Variants in CACNG3 observed in about 807,000 individuals in gnomAD.
CACNG3 encodes voltage-dependent calcium channel gamma-3 subunit.
Under a neutral mutation model 28.5 loss-of-function variants are expected in CACNG3, and 3 were observed. The ratio of observed to expected loss-of-function variants is 0.11; its 90% confidence interval spans 0.05 to 0.27. CACNG3 has a LOEUF of 0.27. CACNG3 is among the 10% of genes least tolerant of loss of function. The probability of loss-of-function intolerance (pLI) is 1.00; values close to 1 mark genes in which losing one functional copy is unlikely to be tolerated. For synonymous variants in CACNG3, 174 were observed against 162.2 expected, an observed-to-expected ratio of 1.07 and a Z score of -0.55; for missense variants, 236 against 414.4, an observed-to-expected ratio of 0.57 and a Z score of 3.74.
chr16:24,266,114 A>G (rs932892166), intron 1 of CACNG3, among the ~76,000 whole-genome samples: 1 of 152,256 alleles, frequency 6.6e-6, no homozygotes, highest in African/African-American at 2.4e-5. Flanking sequence ...GTGTCCAGGA[A>G]AATGTAGCCC....
rs570386398 is a variant in CACNG3 at position 24,349,328 on chromosome 16, A to C, written c.295+2511A>C. On this transcript the variant is annotated intron_variant, in intron 2 of 3. Transcript: ENST00000005284. The stretch of plus-strand genomic sequence containing the variant: ...CCAAGACAGGGTTCTTGGATCTCAC[A>C]CAAGAAAGATTCAGGGTGAGTCCAC... Among the ~76,000 whole-genome samples the C allele has an allele frequency of 3.2e-4, 48 of 152,364 alleles. 1 individual carries two copies. In the South Asian group the frequency reaches 9.9e-3, roughly 32 times the overall value.
chr16:24,351,292 C>T lies in CACNG3; in HGVS notation c.296-3541C>T, dbSNP rs142816223. Reference sequence around the variant, plus strand: ...GTTAGAAAATTGGGCCAGTTTCAGCCAGGCATGGTGGCTCATGCCTGTAAC... The same window carrying T: ...GTTAGAAAATTGGGCCAGTTTCAGCTAGGCATGGTGGCTCATGCCTGTAAC... On this transcript the variant is annotated intron_variant, in intron 2 of 3. Coordinates refer to ENST00000005284, the MANE Select transcript of CACNG3 (RefSeq NM_006539.4). Among the ~76,000 whole-genome samples the T allele has an allele frequency of 5.4e-3, 820 of 152,138 alleles. 6 individuals carry two copies. Among genetic ancestry groups the T allele is most frequent in the African/African-American group, 0.019 (798 of 41,520 alleles).
rs779147248 is a variant in CACNG3, at chr16:24,325,054, A to G, written c.212-21680A>G. On this transcript the variant is annotated intron_variant, in intron 1 of 3. Transcript: ENST00000005284. ...CCCTTTGAAGAACCAAGAGTGCTCT[A>G]TGTCATGCCTGCGGAGCCACAGTGC... is the stretch of plus-strand genomic sequence containing the variant. Among the ~76,000 whole-genome samples, 38 of 152,112 alleles carry G rather than the reference A, an allele frequency of 2.5e-4. 2 individuals carry two copies. The highest frequency in any genetic ancestry group is 1.9e-4 in the East Asian group (1 of 5,182).
chr16:24,305,357 T>C (rs1389972120), intron 1 of CACNG3, among the ~76,000 whole-genome samples: 3 of 138,552 alleles, frequency 2.2e-5, no homozygotes, highest in Non-Finnish European at 3.1e-5. Flanking sequence ...TGTGTGTGTG[T>C]GTGTGTGTGT....
intron 1 of CACNG3, among the ~76,000 whole-genome samples, chr16:24,265,473 A>G (rs1241721587): frequency 6.6e-6 from 1 of 150,492 alleles, no homozygotes; most frequent in Non-Finnish European, 1.5e-5. Flanking sequence ...AAGGAAGGAG[A>G]GAGAGAGAGA....
intron 1 of CACNG3, among the ~76,000 whole-genome samples, chr16:24,269,370 T>G (rs1212740184): frequency 6.6e-6 from 1 of 152,188 alleles, no homozygotes. Context: ...TGCTTACAAA[T>G]TACCCTATTA....
intron 3 of CACNG3, among the ~76,000 whole-genome samples, chr16:24,358,557 G>A (rs1411007214): frequency 6.6e-6 from 1 of 152,168 alleles, no homozygotes; most frequent in East Asian, 1.9e-4. Context: ...AATATGCACT[G>A]CCCTCTTGCT....
chr16:24,317,471 GGC>G (rs1268755530), intron 1 of CACNG3, among the ~76,000 whole-genome samples: 1 of 150,858 alleles, frequency 6.6e-6, no homozygotes, highest in Non-Finnish European at 1.5e-5. Flanking sequence ...GAGCCCAGAA[GGC>G]AGAGGTTGCA....
chr16:24,307,879 C>A (rs181209794), intron 1 of CACNG3, among the ~76,000 whole-genome samples: 1 of 152,154 alleles, frequency 6.6e-6, no homozygotes, highest in African/African-American at 2.4e-5. Flanking sequence ...TGATTCATAA[C>A]TCTACTTCTT....
intron 1 of CACNG3, among the ~76,000 whole-genome samples, chr16:24,259,705 C>A (rs1331791066): frequency 1.3e-5 from 2 of 152,084 alleles, no homozygotes; most frequent in Admixed American, 6.5e-5. Flanking sequence ...TTCTGTGTGG[C>A]CTCAAGGAGG....
At chr16:24,336,920 T>C (rs1202733477) in intron 1 of CACNG3, among the ~76,000 whole-genome samples, 12 of 152,130 alleles carry the variant, frequency 7.9e-5, no homozygotes, top group Non-Finnish European at 1.5e-5. Flanking sequence ...ACGCAAGTGA[T>C]CCTCCCACCT....
rs147295211 is a variant in CACNG3, at chr16:24,354,783, C to T, written c.296-50C>T. The T allele has an allele frequency of 2.7e-4, 426 of 1,593,944 alleles. 1 individual carries two copies. In the African/African-American group the frequency reaches 4.9e-3, roughly 18 times the overall value. On this transcript the variant is annotated intron_variant, in intron 2 of 3. Transcript: ENST00000005284. ...ACTCCTGCGCTTGCAATGGGAGGACCCCAGGGGCTGGCTGGGCACAGGCAG... is the reference window on the plus strand; with the variant it reads ...ACTCCTGCGCTTGCAATGGGAGGACTCCAGGGGCTGGCTGGGCACAGGCAG...
At chr16:24,300,243 G>A (rs941687167) in intron 1 of CACNG3, among the ~76,000 whole-genome samples, 1 of 152,066 alleles carries the variant, frequency 6.6e-6, no homozygotes, top group Non-Finnish European at 1.5e-5. Context: ...TTAGTCTTTT[G>A]TTCCCAATTT....
chr16:24,328,678 G>A (rs1187495252), intron 1 of CACNG3, among the ~76,000 whole-genome samples: 1 of 152,128 alleles, frequency 6.6e-6, no homozygotes, highest in African/African-American at 2.4e-5. Context: ...ATGTTCAAGT[G>A]AGGTGAGGAC....
chr16:24,288,443 G>A (rs373125471), intron 1 of CACNG3, among the ~76,000 whole-genome samples: 1 of 152,194 alleles, frequency 6.6e-6, no homozygotes, highest in Admixed American at 6.5e-5. Flanking sequence ...TTCCTTAGGA[G>A]TATCGCTCGT....
At chr16:24,327,155 C>G (rs1194676008) in intron 1 of CACNG3, among the ~76,000 whole-genome samples, 2 of 77,610 alleles carry the variant, frequency 2.6e-5, no homozygotes, top group Non-Finnish European at 2.4e-5. Flanking sequence ...AAAAAAAAAG[C>G]CATAGCAATG....
chr16:24,314,733 G>GCCTCATCCTCCTCCT (rs1555460381), intron 1 of CACNG3, among the ~76,000 whole-genome samples: 1 of 119,014 alleles, frequency 8.4e-6, no homozygotes. Flanking sequence ...TAGGACTCTC[G>GCCTCATCCTCCTCCT]CCTCCTCCTC....
intron 1 of CACNG3, among the ~76,000 whole-genome samples, chr16:24,269,064 T>C (rs62028551): frequency 0.27 from 40,693 of 151,828 alleles, 5,652 homozygotes; most frequent in African/African-American, 0.32. Context: ...TGGCCTTGGG[T>C]TTGAATGGGT....
chr16:24,267,372 C>T (rs115307330), intron 1 of CACNG3, among the ~76,000 whole-genome samples: 38 of 152,232 alleles, frequency 2.5e-4, no homozygotes, highest in African/African-American at 8.2e-4. Flanking sequence ...ACTGCGGCCT[C>T]GACCTCCTGG....
Sources: gnomAD v4.1 joint callset for allele counts (sites outside exome capture counted in the v4.1 genomes callset) on GRCh38, gnomAD v4.1.1 for gene constraint, MANE v1.5 for transcripts, NCBI Gene and HGNC (gene_info 2026-07-23, HGNC 2026-07-21) for gene names.